PDE8B: variants seen among roughly 807,000 people sequenced by gnomAD.
The protein encoded by PDE8B is high affinity cAMP-specific and IBMX-insensitive 3',5'-cyclic phosphodiesterase 8B.
PDE8B carries 26 observed loss-of-function variants against 101.3 expected under a neutral mutation model. The observed-to-expected ratio is 0.26, with a 90% confidence interval of 0.19 to 0.36. PDE8B has a LOEUF of 0.36. Among genes scored for constraint, PDE8B ranks in the 10% least tolerant of loss-of-function variants. The pLI, the probability that PDE8B is intolerant of heterozygous loss-of-function variation, is 1.00. For missense variants in PDE8B, 810 were observed against 1,163.1 expected (o/e 0.70, Z 4.42); for synonymous variants, 424 against 429.3 (o/e 0.99, Z 0.15).
At chr5:77,332,560 G>A (rs1056739611) in intron 5 of PDE8B, among the ~76,000 whole-genome samples, 9 of 152,112 alleles carry the variant, frequency 5.9e-5, no homozygotes, top group Non-Finnish European at 8.8e-5. Flanking sequence ...AATCCCGGCC[G>A]GGCACGGTGG....
chr5:77,416,936 A>C (rs1048937223), intron 17 of PDE8B, among the ~76,000 whole-genome samples: 2 of 152,116 alleles, frequency 1.3e-5, no homozygotes, highest in African/African-American at 4.8e-5. Flanking sequence ...TTTCCTGAAC[A>C]GACCTTTTTT....
chr5:77,236,303 T>C (rs1261486368), intron 1 of PDE8B, among the ~76,000 whole-genome samples: 1 of 152,192 alleles, frequency 6.6e-6, no homozygotes, highest in Non-Finnish European at 1.5e-5. Context: ...GAGTCATCAG[T>C]GCATAGATGA....
At chr5:77,155,357 G>A in the PDE8B span, among the ~76,000 whole-genome samples, 4 of 152,214 alleles carry the variant, frequency 2.6e-5, no homozygotes, top group Non-Finnish European at 5.9e-5. Flanking sequence ...AGCTGCTGTC[G>A]TCTGACATTT....
chr5:77,173,287 G>A, the PDE8B span, among the ~76,000 whole-genome samples: 2 of 152,180 alleles, frequency 1.3e-5, no homozygotes, highest in African/African-American at 2.4e-5. Flanking sequence ...GAAAGTATGT[G>A]AGGAGGTTTA....
chr5:77,197,206 G>A, the PDE8B span, among the ~76,000 whole-genome samples: 6 of 146,472 alleles, frequency 4.1e-5, no homozygotes, highest in Admixed American at 1.4e-4. Context: ...TTCATCTCCT[G>A]GTTCAAGTTA....
intron 1 of PDE8B, among the ~76,000 whole-genome samples, chr5:77,247,273 A>G (rs1013293816): frequency 6.6e-5 from 10 of 152,180 alleles, no homozygotes; most frequent in Admixed American, 2.6e-4. Context: ...GTTCTGGGCC[A>G]GTAGCTCCCA....
At chr5:77,314,163 A>G (rs1230992871) in intron 2 of PDE8B, among the ~76,000 whole-genome samples, 2 of 151,974 alleles carry the variant, frequency 1.3e-5, no homozygotes, top group Admixed American at 1.3e-4. Flanking sequence ...TCTCCATTGA[A>G]TTGTCTTGGC....
the PDE8B span, among the ~76,000 whole-genome samples, chr5:77,178,484 A>G: frequency 6.6e-6 from 1 of 152,186 alleles, no homozygotes; most frequent in East Asian, 1.9e-4. Flanking sequence ...CAGGCCTAAA[A>G]AGACTATGAG....
At chr5:77,288,842 T>G (rs867273805) in intron 1 of PDE8B, among the ~76,000 whole-genome samples, 5,174 of 100,798 alleles carry the variant, frequency 0.051, 198 homozygotes, top group African/African-American at 0.15. Flanking sequence ...CCCCCATCTT[T>G]TTTTTTTTTT....
the PDE8B span, among the ~76,000 whole-genome samples, chr5:77,095,313 G>A: frequency 6.6e-6 from 1 of 152,114 alleles, no homozygotes; most frequent in Non-Finnish European, 1.5e-5. Context: ...GGTCTTGACT[G>A]GTCTGCTTTT....
intron 1 of PDE8B, among the ~76,000 whole-genome samples, chr5:77,242,609 C>T (rs565208862): frequency 2.3e-4 from 35 of 152,292 alleles, no homozygotes; most frequent in African/African-American, 7.9e-4. Flanking sequence ...AAGACATCAG[C>T]TCCTTCTGTT....
chr5:77,183,103 CTAT>C, the PDE8B span, among the ~76,000 whole-genome samples: 502 of 130,216 alleles, frequency 3.9e-3, 3 homozygotes, highest in Non-Finnish European at 4.9e-3. Context: ...TGAAGATGTG[CTAT>C]TATTATTATT....
chr5:77,377,764 T>C (rs1373255448), intron 10 of PDE8B, among the ~76,000 whole-genome samples: 1 of 152,120 alleles, frequency 6.6e-6, no homozygotes, highest in Non-Finnish European at 1.5e-5. Context: ...AGGGCTTGGA[T>C]AGAATAAAAA....
intron 1 of PDE8B, among the ~76,000 whole-genome samples, chr5:77,259,095 A>T (rs1233021246): frequency 1.7e-5 from 1 of 58,380 alleles, no homozygotes; most frequent in African/African-American, 7.5e-5. Flanking sequence ...ACACACACAC[A>T]CGAATGTTTC....
At chr5:77,234,932 A>G (rs1362541016) in intron 1 of PDE8B, among the ~76,000 whole-genome samples, 4 of 152,202 alleles carry the variant, frequency 2.6e-5, no homozygotes, top group Admixed American at 6.5e-5. Context: ...CAAAGTGCTC[A>G]ATGTAATGCC....
At chr5:77,224,341 T>G (rs1225066435) in intron 1 of PDE8B, among the ~76,000 whole-genome samples, 1 of 152,206 alleles carries the variant, frequency 6.6e-6, no homozygotes, top group Non-Finnish European at 1.5e-5. Flanking sequence ...GCTCATAATT[T>G]AACATTTTTT....
intron 10 of PDE8B, among the ~76,000 whole-genome samples, chr5:77,365,064 C>T (rs1247151783): frequency 6.6e-6 from 1 of 152,176 alleles, no homozygotes; most frequent in Non-Finnish European, 1.5e-5. Flanking sequence ...ACAGGAGGAA[C>T]GTTCACATCT....
chr5:77,398,318 C>CTTT (rs70988672), intron 10 of PDE8B, among the ~76,000 whole-genome samples: 2 of 116,010 alleles, frequency 1.7e-5, no homozygotes, highest in African/African-American at 3.7e-5. Context: ...AGCTGTTTTA[C>CTTT]TTTTTTTTTT....
the PDE8B span, among the ~76,000 whole-genome samples, chr5:77,163,700 C>A: frequency 6.6e-6 from 1 of 152,216 alleles, no homozygotes; most frequent in Admixed American, 6.5e-5. Context: ...CTCCTTCCCC[C>A]TTTTCATAGT....
Sources: gnomAD v4.1 joint callset for allele counts (sites outside exome capture counted in the v4.1 genomes callset) on GRCh38, gnomAD v4.1.1 for gene constraint, MANE v1.5 for transcripts, NCBI Gene and HGNC (gene_info 2026-07-23, HGNC 2026-07-21) for gene names.